Variants in RIMS2 observed in about 807,000 individuals in gnomAD.
The protein encoded by RIMS2 is regulating synaptic membrane exocytosis 2, also known as regulating synaptic membrane exocytosis protein 2.
In RIMS2, 59 loss-of-function variants were observed where a neutral mutation model predicts 174.4. That is an observed-to-expected ratio of 0.34 (90% CI 0.27 to 0.42). The LOEUF is 0.42. Among genes scored for constraint, RIMS2 ranks in the 10% least tolerant of loss-of-function variants. The pLI is 1.00. For synonymous variants in RIMS2, 606 were observed against 572.5 expected (o/e 1.06, Z -0.84); for missense variants, 1,620 against 1,666.3 (o/e 0.97, Z 0.48).
intron 19 of RIMS2, among the ~76,000 whole-genome samples, chr8:104,061,826 T>A (rs569071337): frequency 6.6e-6 from 1 of 152,038 alleles, no homozygotes; most frequent in East Asian, 1.9e-4. Context: ...TTTTGCACCT[T>A]TAGGAATTTT....
chr8:103,541,607 T>G (rs1842626906), intron 1 of RIMS2, among the ~76,000 whole-genome samples: 2 of 152,196 alleles, frequency 1.3e-5, no homozygotes, highest in African/African-American at 4.8e-5. Context: ...GAACACATAT[T>G]AAAGTATAAA....
At chr8:104,194,470 A>G (rs1266256665) in intron 19 of RIMS2, among the ~76,000 whole-genome samples, 1 of 152,210 alleles carries the variant, frequency 6.6e-6, no homozygotes, top group African/African-American at 2.4e-5. Context: ...TATACTACAT[A>G]TAAAATACGC....
chr8:104,148,421 G>T (rs947675784), intron 19 of RIMS2, among the ~76,000 whole-genome samples, 186 bp from the exon 25 acceptor site: 1 of 152,056 alleles, frequency 6.6e-6, no homozygotes, highest in Non-Finnish European at 1.5e-5. Flanking sequence ...TTGCATATTT[G>T]CTCTAAGGTT....
chr8:103,838,772 A>G (rs1177750855), intron 3 of RIMS2, among the ~76,000 whole-genome samples: 3 of 152,138 alleles, frequency 2.0e-5, no homozygotes, highest in African/African-American at 7.2e-5. Context: ...ATTGCCATTT[A>G]TTAAAGTTCC....
chr8:103,727,915 A>G (rs779594003), intron 2 of RIMS2, among the ~76,000 whole-genome samples: 1 of 151,738 alleles, frequency 6.6e-6, no homozygotes, highest in African/African-American at 2.4e-5. Flanking sequence ...AGCTTTGGCT[A>G]TTCTGGGTCT....
chr8:104,175,352 C>T (rs1006540701), intron 19 of RIMS2, among the ~76,000 whole-genome samples: 1 of 151,552 alleles, frequency 6.6e-6, no homozygotes, highest in Non-Finnish European at 1.5e-5. Context: ...TTGTGGGGTA[C>T]TCGAGGTATT....
chr8:103,916,534 T>C (rs777046617), exon 8 of RIMS2: 2 of 1,603,548 alleles, frequency 1.2e-6, no homozygotes, highest in African/African-American at 1.3e-5. Flanking sequence ...TCAAGGCCTA[T>C]TGGGTAAGTT....
chr8:104,083,146 C>T (rs1283557092), intron 19 of RIMS2, among the ~76,000 whole-genome samples: 11 of 152,134 alleles, frequency 7.2e-5, no homozygotes, highest in African/African-American at 2.2e-4. Context: ...TATATTTGCC[C>T]TATCCCTGAA....
At chr8:104,207,543 C>T (rs2099086093) in intron 19 of RIMS2, among the ~76,000 whole-genome samples, 1 of 152,046 alleles carries the variant, frequency 6.6e-6, no homozygotes, top group African/African-American at 2.4e-5. Flanking sequence ...CAGTGGCTCA[C>T]ACCTGTAATC....
chr8:104,099,995 A>T (rs1598823053), intron 19 of RIMS2, among the ~76,000 whole-genome samples: 2 of 151,546 alleles, frequency 1.3e-5, no homozygotes, highest in African/African-American at 2.4e-5. Context: ...TTTTTTAAAA[A>T]TTTTTTGTAG....
intron 19 of RIMS2, among the ~76,000 whole-genome samples, chr8:104,034,540 G>A (rs979763413): frequency 6.8e-5 from 10 of 146,306 alleles, no homozygotes; most frequent in African/African-American, 2.0e-4. Flanking sequence ...GGGTGATCTC[G>A]GCTCACTGTA....
intron 19 of RIMS2, among the ~76,000 whole-genome samples, chr8:104,120,347 A>C (rs530786948): frequency 6.6e-6 from 1 of 152,320 alleles, no homozygotes; most frequent in Non-Finnish European, 1.5e-5. Context: ...TATTATTTGA[A>C]CAATCTATTT....
intron 4 of RIMS2, among the ~76,000 whole-genome samples, chr8:103,900,650 A>T (rs1195188978): frequency 1.3e-5 from 2 of 152,188 alleles, no homozygotes; most frequent in Admixed American, 6.5e-5. Flanking sequence ...TGATACTGGG[A>T]TTTTCAGTGT....
rs137979568 is a variant in RIMS2 at position 104,192,077 on chromosome 8, G to C, written c.3335-52839G>C. 9.1e-3 allele frequency among the ~76,000 whole-genome samples: 1,379 copies of C among 152,218 alleles called. 22 individuals are homozygous for C. Among genetic ancestry groups the C allele is most frequent in the African/African-American group, 0.03 (1,265 of 41,538 alleles). On this transcript the variant is annotated intron_variant, in intron 19 of 23. Coordinates refer to ENST00000504942, the Ensembl canonical transcript of RIMS2. ...ATGGTTTTACTATAAAGAGAAGCTA[G>C]GGTCTTTATGCAAGTTAATTCATTA...
chr8:103,978,906 A>G (rs2093669954), intron 16 of RIMS2, among the ~76,000 whole-genome samples: 2 of 152,252 alleles, frequency 1.3e-5, no homozygotes, highest in Non-Finnish European at 2.9e-5. Flanking sequence ...ATAAAATTAC[A>G]TAACATTAAA....
At chr8:104,231,365 T>TA (rs996159137) in intron 19 of RIMS2, among the ~76,000 whole-genome samples, 1 of 152,168 alleles carries the variant, frequency 6.6e-6, no homozygotes, top group African/African-American at 2.4e-5. Context: ...TTTCTTTTTT[T>TA]ATGGTTTAGC....
chr8:104,083,273 C>T (rs1348665184), intron 19 of RIMS2, among the ~76,000 whole-genome samples: 1 of 152,128 alleles, frequency 6.6e-6, no homozygotes, highest in Non-Finnish European at 1.5e-5. Context: ...TACGCTATTA[C>T]CTTCTAAAGT....
At chr8:104,231,608 C>G (rs75541305) in intron 19 of RIMS2, among the ~76,000 whole-genome samples, 74 of 152,280 alleles carry the variant, frequency 4.9e-4, no homozygotes, top group South Asian at 1.2e-3. Flanking sequence ...AATACTGGCT[C>G]CACCTCTTCC....
intron 2 of RIMS2, among the ~76,000 whole-genome samples, chr8:103,743,666 G>A (rs1449203174): frequency 6.6e-6 from 1 of 151,980 alleles, no homozygotes; most frequent in Non-Finnish European, 1.5e-5. Context: ...AGAAAACCTG[G>A]TTTTATTTGG....
Sources: allele counts gnomAD v4.1 joint callset (sites outside exome capture counted in the v4.1 genomes callset), GRCh38; gene constraint gnomAD v4.1.1; transcripts MANE v1.5; gene names NCBI Gene and HGNC (gene_info 2026-07-23, HGNC 2026-07-21).